MEIKIN: variants seen among roughly 807,000 people sequenced by gnomAD.
MEIKIN encodes the protein meiotic kinetochore factor.
chr5:131,937,662 C>T (rs1751803096), intron 4 of MEIKIN, among the ~76,000 whole-genome samples: 1 of 152,136 alleles, frequency 6.6e-6, no homozygotes, highest in East Asian at 1.9e-4. Flanking sequence ...CATTTTGACT[C>T]TGCAAAATCA....
At chr5:131,872,923 A>G (rs1750533896) in intron 9 of MEIKIN, among the ~76,000 whole-genome samples, 2 of 152,256 alleles carry the variant, frequency 1.3e-5, no homozygotes, top group Non-Finnish European at 2.9e-5. Context: ...AGGAGAAATA[A>G]AATCCTTTAC....
intron 9 of MEIKIN, among the ~76,000 whole-genome samples, chr5:131,856,123 TG>T (rs938712991): frequency 1.3e-5 from 2 of 152,184 alleles, no homozygotes; most frequent in African/African-American, 4.8e-5. Flanking sequence ...GAAATGTTTA[TG>T]GGTATATTTA....
rs1020743249 is a variant in MEIKIN at position 131,945,152 on chromosome 5, A to G, written c.200+4T>C. The G allele has an allele frequency of 3.8e-5, 15 of 399,006 alleles. No individual in the cohort carries two copies. The Admixed American group carries it at 6.6e-4, about 18-fold the overall frequency. The allele number at this position is 399,006 out of a possible 1,614,324, so 24.7% of individuals were successfully genotyped here. On this transcript the variant is annotated splice_donor_region_variant and intron_variant, in intron 2 of 12. Transcript: ENST00000442687. ...GGATCGGGCTGTTACTGGAGGCTAC[A>G]TACCTGAACGGCCCAGAGCCGCTAC...
chr5:131,891,783 A>C (rs879166785), intron 8 of MEIKIN, among the ~76,000 whole-genome samples: 3 of 152,156 alleles, frequency 2.0e-5, no homozygotes, highest in Non-Finnish European at 4.4e-5. Context: ...TATTTTGCTC[A>C]TTAGTTGATG....
intron 7 of MEIKIN, among the ~76,000 whole-genome samples, chr5:131,916,425 T>A (rs1464263887): frequency 6.6e-6 from 1 of 152,202 alleles, no homozygotes; most frequent in Non-Finnish European, 1.5e-5. Flanking sequence ...AGCCCAGGAC[T>A]TTTACCTTGC....
chr5:131,896,491 T>A (rs1751054048), intron 8 of MEIKIN, among the ~76,000 whole-genome samples: 2 of 152,208 alleles, frequency 1.3e-5, no homozygotes, highest in Non-Finnish European at 2.9e-5. Flanking sequence ...TGTTAAAGTC[T>A]CCCATTATTA....
Position 131,849,689 on chromosome 5 carries a change from C to T in MEIKIN, c.975+1575G>A, listed in dbSNP as rs187180351. Among the ~76,000 whole-genome samples, 724 of 150,314 alleles carry T rather than the reference C, an allele frequency of 4.8e-3. 1 individual carries two copies. Among genetic ancestry groups the T allele is most frequent in the Non-Finnish European group, 6.6e-3 (450 of 67,674 alleles). ...TTCTTTATAGCAATGTGAAAATGAACGAATACAGCCATATATGAAAACCCA... is the reference window on the plus strand; with the variant it reads ...TTCTTTATAGCAATGTGAAAATGAATGAATACAGCCATATATGAAAACCCA... On this transcript the variant is annotated intron_variant, in intron 11 of 12. Coordinates refer to ENST00000442687, the MANE Select transcript of MEIKIN (RefSeq NM_001303622.2).
intron 8 of MEIKIN, among the ~76,000 whole-genome samples, chr5:131,904,110 A>T (rs1210570942): frequency 6.6e-6 from 1 of 152,234 alleles, no homozygotes; most frequent in Non-Finnish European, 1.5e-5. Context: ...CAATTCAACA[A>T]GAAGACCTAT....
chr5:131,829,625 T>C (rs746078624), intron 11 of MEIKIN, among the ~76,000 whole-genome samples: 12 of 152,180 alleles, frequency 7.9e-5, no homozygotes, highest in Admixed American at 1.3e-4. Context: ...ACAAGTGTTA[T>C]GGGTTGAATT....
At chr5:131,877,409 G>A (rs988633378) in intron 9 of MEIKIN, among the ~76,000 whole-genome samples, 1 of 152,170 alleles carries the variant, frequency 6.6e-6, no homozygotes, top group African/African-American at 2.4e-5. Flanking sequence ...TTGGGAGGTT[G>A]AAGCGGGTGG....
intron 8 of MEIKIN, among the ~76,000 whole-genome samples, chr5:131,891,077 A>T (rs1750905931): frequency 6.6e-6 from 1 of 152,204 alleles, no homozygotes; most frequent in South Asian, 2.1e-4. Flanking sequence ...CTGTGGTCTG[A>T]GAGACAGTTT....
At chr5:131,878,780 C>T (rs548411302) in intron 9 of MEIKIN, 198 bp downstream of exon 9, 146 of 353,162 alleles carry the variant, frequency 4.1e-4, no homozygotes, top group African/African-American at 2.7e-3. Flanking sequence ...GGGGTTGAAA[C>T]AGGAGAACAG....
chr5:131,892,616 C>G (rs1169613356), intron 8 of MEIKIN, among the ~76,000 whole-genome samples: 1 of 152,162 alleles, frequency 6.6e-6, no homozygotes, highest in Non-Finnish European at 1.5e-5. Flanking sequence ...ATCCATTCAT[C>G]TAATTTTTCT....
intron 6 of MEIKIN, among the ~76,000 whole-genome samples, chr5:131,918,903 A>G (rs902655751): frequency 1.3e-5 from 2 of 152,234 alleles, no homozygotes; most frequent in Non-Finnish European, 2.9e-5. Flanking sequence ...GTATGTTGAC[A>G]TAAGACCCTA....
At chr5:131,866,129 A>C (rs1750379973) in intron 9 of MEIKIN, among the ~76,000 whole-genome samples, 2 of 152,186 alleles carry the variant, frequency 1.3e-5, no homozygotes, top group African/African-American at 4.8e-5. Flanking sequence ...GTGGTAGGAA[A>C]ATCCACTGGA....
At chr5:131,889,210 A>G (rs1011833025) in intron 8 of MEIKIN, among the ~76,000 whole-genome samples, 2 of 152,174 alleles carry the variant, frequency 1.3e-5, no homozygotes, top group East Asian at 1.9e-4. Flanking sequence ...TTTTGGTTCC[A>G]TATGAACTTG....
intron 8 of MEIKIN, among the ~76,000 whole-genome samples, chr5:131,888,233 G>A (rs541637772): frequency 1.4e-5 from 2 of 145,228 alleles, no homozygotes; most frequent in Middle Eastern, 3.5e-3. Flanking sequence ...CCAGTAATGG[G>A]ATGGCTGGGT....
chr5:131,866,975 T>C (rs1350423145), intron 9 of MEIKIN, among the ~76,000 whole-genome samples: 1 of 152,164 alleles, frequency 6.6e-6, no homozygotes, highest in Non-Finnish European at 1.5e-5. Flanking sequence ...GTATATCTCA[T>C]CTTAAAAGAA....
intron 9 of MEIKIN, among the ~76,000 whole-genome samples, chr5:131,859,715 CAAG>C (rs1313710000): frequency 6.6e-6 from 1 of 152,130 alleles, no homozygotes; most frequent in Non-Finnish European, 1.5e-5. Flanking sequence ...AATCACAACA[CAAG>C]AACAGCCTAA....
Sources: allele counts gnomAD v4.1 joint callset (sites outside exome capture counted in the v4.1 genomes callset), GRCh38; gene constraint gnomAD v4.1.1; transcripts MANE v1.5; gene names NCBI Gene and HGNC (gene_info 2026-07-23, HGNC 2026-07-21).